Variants in PHKA1 observed in about 807,000 individuals in gnomAD.
The protein encoded by PHKA1 is phosphorylase kinase regulatory subunit alpha 1.
PHKA1 carries 60 observed loss-of-function variants against 110.2 expected under a neutral mutation model. The ratio of observed to expected loss-of-function variants is 0.54; its 90% CI spans 0.44 to 0.68. The LOEUF (loss-of-function observed/expected upper bound fraction) is 0.68. Among genes scored for constraint, PHKA1 ranks in the 30% least tolerant of loss-of-function variants. The probability of loss-of-function intolerance (pLI) is 0.00; values close to 1 mark genes in which losing one functional copy is unlikely to be tolerated. For synonymous variants in PHKA1, 316 were observed against 333.6 expected (o/e 0.95, Z 0.58); for missense variants, 801 against 942.5 (o/e 0.85, Z 1.97).
At chrX:72,705,161 G>A in intron 3 of PHKA1, 37 bp downstream of exon 3, 1 of 993,282 alleles carries the variant, frequency 1.0e-6, no homozygotes, top group South Asian at 1.9e-5. Context: ...ATTACAATGT[G>A]CTTTTATTAG....
chrX:72,676,148 G>A lies in PHKA1; in HGVS notation c.540C>T (p.Asp180=). The part of the protein sequence containing the change: ...FYIEAAYKTA[D]FGIWERGDKT... Reference sequence around the variant, plus strand: ...TGTCTCCACGTTCCCATATCCCGAAGTCCTGGCATAAAATAACCAATATAC... The same window carrying A: ...TGTCTCCACGTTCCCATATCCCGAAATCCTGGCATAAAATAACCAATATAC... Residue 180 remains aspartate, a splice_region_variant and synonymous_variant, in exon 6 of 32, where the codon GAC becomes GAT. Transcript: ENST00000373542. 11 of 1,198,934 alleles carry A rather than the reference G, an allele frequency of 9.2e-6. No homozygotes were observed. Among genetic ancestry groups the A allele is most frequent in the Non-Finnish European group, 1.2e-5 (11 of 884,553 alleles).
chrX:72,603,880 G>T (rs1268159744), intron 25 of PHKA1, among the ~76,000 whole-genome samples: 4 of 110,979 alleles, frequency 3.6e-5, no homozygotes, highest in African/African-American at 1.3e-4. Flanking sequence ...GACAATAATT[G>T]CCTTTGAAAT....
intron 6 of PHKA1, among the ~76,000 whole-genome samples, chrX:72,671,960 G>T (rs1326410501): frequency 8.9e-6 from 1 of 112,002 alleles, no homozygotes; most frequent in Non-Finnish European, 1.9e-5. Flanking sequence ...AGACTTAAAT[G>T]TTAGACCTAA....
chrX:72,684,777 A>G (rs1003600962), intron 4 of PHKA1, among the ~76,000 whole-genome samples, 197 bp from the exon 5 acceptor site: 4 of 111,700 alleles, frequency 3.6e-5, no homozygotes, highest in Admixed American at 9.5e-5. Context: ...TAAGCGAGAT[A>G]TAAGCATATT....
chrX:72,634,729 G>A (rs965411041), intron 16 of PHKA1, among the ~76,000 whole-genome samples: 2 of 111,739 alleles, frequency 1.8e-5, no homozygotes, highest in African/African-American at 6.5e-5. Flanking sequence ...CAGTATTACT[G>A]TCTTTAAAAA....
intron 3 of PHKA1, among the ~76,000 whole-genome samples, chrX:72,704,662 C>T (rs2054254012): frequency 9.0e-6 from 1 of 111,208 alleles, no homozygotes; most frequent in Non-Finnish European, 1.9e-5. Context: ...TGGCTCACTG[C>T]AGCCTTGACC....
At chrX:72,593,341 CT>C (rs11373841) in intron 28 of PHKA1, 67 bp from the exon 29 acceptor site, 2,370 of 602,472 alleles carry the variant, frequency 3.9e-3, no homozygotes, top group Admixed American at 9.6e-3. Flanking sequence ...AGTCTTTGAA[CT>C]TTTTTTTTTT....
rs781804371 is a variant in PHKA1, at chrX:72,582,606, A to T, written c.3298-8T>A. Reference sequence around the variant, plus strand: ...AATCTCACCTGGAGTCATCTGTGATAGAGAAAAAGAAAATCACTTCCTAAG... The same window carrying T: ...AATCTCACCTGGAGTCATCTGTGATTGAGAAAAAGAAAATCACTTCCTAAG... On this transcript the variant is annotated splice_region_variant and splice_polypyrimidine_tract_variant and intron_variant, in intron 30 of 31. Coordinates refer to ENST00000373542, the MANE Select transcript of PHKA1 (RefSeq NM_002637.4). 18 of 1,121,592 alleles carry T rather than the reference A, an allele frequency of 1.6e-5. No homozygotes were observed. Among genetic ancestry groups the T allele is most frequent in the Non-Finnish European group, 2.1e-5 (17 of 816,688 alleles). 92.4% of individuals were successfully genotyped at this position (1,121,592 alleles called of 1,213,427 possible). A position where few individuals can be genotyped will look rare whatever the true frequency, so the allele number is the denominator to read the frequency against.
In PHKA1 at chrX:72,611,075, G is replaced by A. The variant is rs782035797; in HGVS notation, c.2479C>T (p.Arg827Ter). 5 of 1,207,181 alleles carry A rather than the reference G, an allele frequency of 4.1e-6. No individual in the cohort carries two copies. The highest frequency in any genetic ancestry group is 5.6e-6 in the Non-Finnish European group (5 of 891,913). The change falls in exon 22 of 32, where the codon CGA becomes TGA. Residue 827 changes from arginine to a stop codon, truncating the protein, a stop_gained. Transcript: ENST00000373542. LOFTEE classifies it high-confidence loss of function. The part of the protein sequence containing the change: ...VGEIRHWGLI[R>*]YISGILRKKV... Reference sequence around the variant, plus strand: ...TTCCTTAAGATCCCAGAAATGTATCGGATCAGGCCCCAGTGACGAATTTCT... The same window carrying A: ...TTCCTTAAGATCCCAGAAATGTATCAGATCAGGCCCCAGTGACGAATTTCT...
intron 4 of PHKA1, among the ~76,000 whole-genome samples, chrX:72,686,118 C>A (rs1385465773): frequency 8.9e-6 from 1 of 112,171 alleles, no homozygotes; most frequent in Non-Finnish European, 1.9e-5. Context: ...TTCTTAATGT[C>A]AGCTTTCAAA....
intron 8 of PHKA1, among the ~76,000 whole-genome samples, chrX:72,661,426 C>T (rs782248583): frequency 5.4e-5 from 6 of 111,180 alleles, no homozygotes; most frequent in Non-Finnish European, 1.9e-5. Flanking sequence ...AATCGTCATA[C>T]ATCTCTGGTG....
At chrX:72,619,083 G>A (rs2052938814) in intron 20 of PHKA1, 131 bp downstream of exon 20, 2 of 553,647 alleles carry the variant, frequency 3.6e-6, no homozygotes, top group Admixed American at 2.7e-5. Flanking sequence ...AAAAGAACAT[G>A]TATCTTCACC....
intron 5 of PHKA1, among the ~76,000 whole-genome samples, chrX:72,681,394 G>T (rs370108013): frequency 0.065 from 5,003 of 76,964 alleles, 140 homozygotes; most frequent in East Asian, 0.48. Context: ...GGAGGGAGGT[G>T]GGGGGGGGTC....
chrX:72,622,260 T>A, intron 18 of PHKA1: 1 of 754,350 alleles, frequency 1.3e-6, no homozygotes, highest in Non-Finnish European at 1.6e-6. Flanking sequence ...TGTATGAGAT[T>A]GTGCTGGCTG....
Position 72,605,303 on chromosome X carries a change from G to A in PHKA1, c.2783C>T (p.Ala928Val). 1 of 1,205,289 alleles carries A rather than the reference G, an allele frequency of 8.3e-7. No homozygotes were observed. The highest frequency in any genetic ancestry group is 1.1e-6 in the Non-Finnish European group (1 of 889,622). Reference protein sequence around the residue: ...LRIGLIIQVMATELAHSLRCS... With the variant: ...LRIGLIIQVMVTELAHSLRCS... ...TCGAAGGGAGTGGGCCAGTTCTGTTGCCATAACTTGTATGATCAGACCAAT... is the reference window on the plus strand; with the variant it reads ...TCGAAGGGAGTGGGCCAGTTCTGTTACCATAACTTGTATGATCAGACCAAT... Residue 928 changes from alanine (A) to valine (V), a missense_variant, in exon 25 of 32, where the codon GCA becomes GTA. Coordinates refer to ENST00000373542, the MANE Select transcript of PHKA1 (RefSeq NM_002637.4).
rs782742294 is a variant in PHKA1, at chrX:72,618,867, A to G, written c.2230-18T>C. 14 of 1,187,681 alleles carry G rather than the reference A, an allele frequency of 1.2e-5. No homozygotes were observed. The East Asian group carries it at 3.9e-4, about 33-fold the overall frequency. On this transcript the variant is annotated intron_variant, in intron 20 of 31. Transcript: ENST00000373542. ...GAGGGAACCTTTAGTTTGAGAAATGATGACAAGAAATTAAGTTCACAAGTG... is the reference window on the plus strand; with the variant it reads ...GAGGGAACCTTTAGTTTGAGAAATGGTGACAAGAAATTAAGTTCACAAGTG...
chrX:72,713,094 A>G (rs1450395102), intron 1 of PHKA1, among the ~76,000 whole-genome samples, 157 bp from the exon 2 acceptor site: 1 of 112,071 alleles, frequency 8.9e-6, no homozygotes, highest in Non-Finnish European at 1.9e-5. Flanking sequence ...ATTGCAGGCA[A>G]ATGCTATCTT....
At chrX:72,649,880 TACTC>T (rs2053407095) in intron 13 of PHKA1, among the ~76,000 whole-genome samples, 1 of 109,033 alleles carries the variant, frequency 9.2e-6, no homozygotes, top group East Asian at 2.9e-4. Context: ...TGATCCCAGA[TACTC>T]AGGAGGCTGA....
At chrX:72,678,245 C>T (rs139190314) in intron 5 of PHKA1, among the ~76,000 whole-genome samples, 124 of 111,525 alleles carry the variant, frequency 1.1e-3, no homozygotes, top group African/African-American at 4.0e-3. Flanking sequence ...CACTCATTGT[C>T]ACTGAGGTGT....
Sources: allele counts gnomAD v4.1 joint callset (sites outside exome capture counted in the v4.1 genomes callset), GRCh38; gene constraint gnomAD v4.1.1; transcripts MANE v1.5; gene names NCBI Gene and HGNC (gene_info 2026-07-23, HGNC 2026-07-21).